Variants in LIFR observed in about 807,000 individuals in gnomAD.
The protein encoded by LIFR is LIF receptor subunit alpha.
Under a neutral mutation model 122.2 loss-of-function variants are expected in LIFR, and 84 were observed. That is an observed-to-expected ratio of 0.69 (90% CI 0.58 to 0.82). The LOEUF is 0.82. Among genes scored for constraint, LIFR ranks in the 40% least tolerant of loss-of-function variants. The pLI is 0.00. For missense variants in LIFR, 1,294 were observed against 1,311.6 expected (o/e 0.99, Z 0.21); for synonymous variants, 422 against 434.7 (o/e 0.97, Z 0.36).
chr5:38,511,331 A>G (rs1322480833), intron 6 of LIFR, among the ~76,000 whole-genome samples: 1 of 152,082 alleles, frequency 6.6e-6, no homozygotes, highest in Non-Finnish European at 1.5e-5. Flanking sequence ...CCCCTATTCG[A>G]AACTGCCAAC....
chr5:38,597,763 C>T (rs980841160), upstream of LIFR, among the ~76,000 whole-genome samples: 3 of 152,080 alleles, frequency 2.0e-5, no homozygotes, highest in South Asian at 4.1e-4. Flanking sequence ...CAGCTGGAGA[C>T]GGAGCGTGGC....
chr5:38,511,707 A>C lies in LIFR; in HGVS notation c.736+83T>G. 5 of 1,327,472 alleles carry C rather than the reference A, an allele frequency of 3.8e-6. No homozygotes were observed. The Admixed American group carries it at 6.9e-5, about 18-fold the overall frequency. 82.2% of individuals were successfully genotyped at this position (1,327,472 alleles called of 1,614,324 possible). ...CATGCAGCTGAATGAGGTTATGAGA[A>C]GTGAAAGCTCAAACTAAATCTTACT... On this transcript the variant is annotated intron_variant, in intron 6 of 19. Transcript: ENST00000453190.
At chr5:38,557,808 G>T (rs1223413913), upstream of LIFR, 2 of 152,378 alleles carry the variant, frequency 1.3e-5, no homozygotes, top group Non-Finnish European at 2.9e-5. Context: ...GCTAGATACG[G>T]TCGCTATTAG....
intron 17 of LIFR, among the ~76,000 whole-genome samples, chr5:38,485,084 T>C (rs888977705): frequency 2.0e-5 from 3 of 152,324 alleles, no homozygotes; most frequent in Non-Finnish European, 4.4e-5. Context: ...TTTCTCAATC[T>C]TGATACTTGT....
At chr5:38,598,881 TCA>T (rs1319848137), upstream of LIFR, among the ~76,000 whole-genome samples, 1 of 152,228 alleles carries the variant, frequency 6.6e-6, no homozygotes, top group African/African-American at 2.4e-5. Flanking sequence ...TACTGAAACC[TCA>T]ATAAATATTG....
chr5:38,506,272 A>G lies in LIFR; in HGVS notation c.1122-198T>C, dbSNP rs572278749. Reference sequence around the variant, plus strand: ...AGCCATAAGTTTACTACCGAGAAACAGTCTCTGTTCATGTTCAAGTGTTCT... The same window carrying G: ...AGCCATAAGTTTACTACCGAGAAACGGTCTCTGTTCATGTTCAAGTGTTCT... On this transcript the variant is annotated intron_variant, in intron 8 of 19. Coordinates refer to ENST00000453190, the MANE Select transcript of LIFR (RefSeq NM_001127671.2). Among the ~76,000 whole-genome samples the G allele has an allele frequency of 7.2e-4, 110 of 152,344 alleles. 2 individuals are homozygous for G. The South Asian group carries it at 0.018, about 26-fold the overall frequency.
At position 38,475,515 on chromosome 5, in the gene LIFR, T is replaced by C. The variant is rs1295054228; in HGVS notation, c.*6080A>G. 1 of 192,954 alleles carries C rather than the reference T, an allele frequency of 5.2e-6. No homozygotes were observed. The highest frequency in any genetic ancestry group is 1.1e-5 in the Non-Finnish European group (1 of 92,260). 12.0% of individuals were successfully genotyped at this position (192,954 alleles called of 1,614,324 possible). ...GGATCCGCAGTTTCTCCCTATCTTC[T>C]TTCAGCTACATTTACAAGCATTTGA... On this transcript the variant is annotated 3_prime_UTR_variant, in exon 20 of 20. Transcript: ENST00000453190.
chr5:38,494,421 G>A (rs916226391), intron 13 of LIFR, among the ~76,000 whole-genome samples: 2 of 151,658 alleles, frequency 1.3e-5, no homozygotes, highest in Admixed American at 6.6e-5. Flanking sequence ...AGAAGGAGAA[G>A]TCTGCACAGC....
chr5:38,585,647 A>G (rs1749722041), intron 1 of LIFR, among the ~76,000 whole-genome samples: 1 of 152,156 alleles, frequency 6.6e-6, no homozygotes, highest in African/African-American at 2.4e-5. Flanking sequence ...GAAGGCCCAG[A>G]TATTTCTAAA....
chr5:38,585,645 A>G (rs573455124), intron 1 of LIFR, among the ~76,000 whole-genome samples: 1 of 152,292 alleles, frequency 6.6e-6, no homozygotes, highest in African/African-American at 2.4e-5. Context: ...AGGAAGGCCC[A>G]GATATTTCTA....
intron 1 of LIFR, among the ~76,000 whole-genome samples, chr5:38,544,033 C>T (rs1335436871): frequency 6.6e-6 from 1 of 152,110 alleles, no homozygotes; most frequent in African/African-American, 2.4e-5. Context: ...CATTCCTTTC[C>T]TTCCCTATCG....
chr5:38,602,116 A>G (rs1366475749), intron 2 of LIFR, among the ~76,000 whole-genome samples: 2 of 152,168 alleles, frequency 1.3e-5, no homozygotes, highest in East Asian at 3.9e-4. Context: ...TCGTTTATCA[A>G]CCAGTCACTT....
chr5:38,591,167 G>A (rs1416114246), intron 1 of LIFR, among the ~76,000 whole-genome samples: 1 of 152,242 alleles, frequency 6.6e-6, no homozygotes, highest in African/African-American at 2.4e-5. Flanking sequence ...CAAGGTTTAG[G>A]GAGAGACAGG....
At chr5:38,552,341 T>C (rs1748249011) in intron 1 of LIFR, among the ~76,000 whole-genome samples, 1 of 152,198 alleles carries the variant, frequency 6.6e-6, no homozygotes, top group Non-Finnish European at 1.5e-5. Flanking sequence ...ATTTCCCAAG[T>C]TTTCAATTAA....
intron 4 of LIFR, 100 bp downstream of exon 4, chr5:38,527,055 A>G: frequency 9.4e-7 from 1 of 1,066,020 alleles, no homozygotes; most frequent in Admixed American, 2.7e-5. Flanking sequence ...AATTAAAAGT[A>G]ATAGCATAAC....
intron 19 of LIFR, 53 bp from the exon 20 acceptor site, chr5:38,482,271 A>G: frequency 6.5e-7 from 1 of 1,539,914 alleles, no homozygotes; most frequent in Non-Finnish European, 8.8e-7. Context: ...TGCCATTGCA[A>G]TGCTCCTCCT....
At chr5:38,565,039 G>T (rs537509931) in intron 1 of LIFR, among the ~76,000 whole-genome samples, 43 of 152,266 alleles carry the variant, frequency 2.8e-4, no homozygotes, top group African/African-American at 9.9e-4. Context: ...CTCCCAAAGT[G>T]CTGGGATTAC....
chr5:38,533,254 G>T (rs1400263369), intron 1 of LIFR, among the ~76,000 whole-genome samples: 1 of 152,122 alleles, frequency 6.6e-6, no homozygotes, highest in African/African-American at 2.4e-5. Flanking sequence ...TATTTTAAAG[G>T]ACTTAAAAAG....
chr5:38,506,251 A>C (rs1009487108), intron 8 of LIFR, among the ~76,000 whole-genome samples, 177 bp from the exon 9 acceptor site: 2 of 152,356 alleles, frequency 1.3e-5, no homozygotes, highest in African/African-American at 2.4e-5. Context: ...TTAATCAGCC[A>C]TAAGTTTACT....
Sources: gnomAD v4.1 joint callset for allele counts (sites outside exome capture counted in the v4.1 genomes callset) on GRCh38, gnomAD v4.1.1 for gene constraint, MANE v1.5 for transcripts, NCBI Gene and HGNC (gene_info 2026-07-23, HGNC 2026-07-21) for gene names.